The following DTNB variants were observed in gnomAD, a reference collection of about 807,000 sequenced individuals.
The protein encoded by DTNB is DTN-B.
Under a neutral mutation model 90.7 loss-of-function variants are expected in DTNB, and 63 were observed. The ratio of observed to expected loss-of-function variants is 0.69; its 90% confidence interval spans 0.57 to 0.86. DTNB has a LOEUF of 0.86. DTNB is among the 40% of genes least tolerant of loss of function. The pLI is 0.00. For missense variants in DTNB, 744 were observed against 807.1 expected (o/e 0.92, Z 0.95); for synonymous variants, 277 against 286.7 (o/e 0.97, Z 0.34).
intron 8 of DTNB, among the ~76,000 whole-genome samples, chr2:25,573,795 AAC>A (rs1293534419): frequency 6.6e-6 from 1 of 152,152 alleles, no homozygotes; most frequent in Non-Finnish European, 1.5e-5. Context: ...CTAAGACAAT[AAC>A]ACACATCTTA....
At chr2:25,585,241 T>C (rs977093927) in intron 6 of DTNB, among the ~76,000 whole-genome samples, 6 of 152,218 alleles carry the variant, frequency 3.9e-5, no homozygotes, top group Non-Finnish European at 8.8e-5. Flanking sequence ...ACAGAATAGA[T>C]ATGAATACAT....
chr2:25,629,217 C>A lies in DTNB; in HGVS notation c.149-833G>T, dbSNP rs149644967. On this transcript the variant is annotated intron_variant, in intron 3 of 20. Transcript: ENST00000406818. ...AGAAATCAAAACCACCAACAAAATT[C>A]TACACCTAGTATAAAAAAACTTTCA... Among the ~76,000 whole-genome samples the A allele has an allele frequency of 7.3e-4, 111 of 152,238 alleles. 2 individuals are homozygous for A. In the East Asian group the frequency reaches 0.021, roughly 28 times the overall value.
At chr2:25,601,534 C>A (rs1205383288) in intron 5 of DTNB, among the ~76,000 whole-genome samples, 2 of 152,164 alleles carry the variant, frequency 1.3e-5, no homozygotes, top group Non-Finnish European at 2.9e-5. Flanking sequence ...GTGATAATGA[C>A]CCTAGTTTTA....
chr2:25,514,840 G>A (rs781357838), intron 9 of DTNB, among the ~76,000 whole-genome samples: 6 of 151,584 alleles, frequency 4.0e-5, no homozygotes, highest in Non-Finnish European at 7.4e-5. Context: ...CCACCTCCAC[G>A]CCTGGCTAAT....
intron 8 of DTNB, among the ~76,000 whole-genome samples, chr2:25,538,903 T>A (rs764166312): frequency 1.3e-5 from 2 of 152,228 alleles, no homozygotes; most frequent in Admixed American, 6.5e-5. Flanking sequence ...CTCCTGATAA[T>A]CACTATCCTG....
intron 1 of DTNB, chr2:25,672,978 G>C (rs1382415518): frequency 2.0e-5 from 3 of 152,268 alleles, no homozygotes; most frequent in Non-Finnish European, 4.4e-5. Context: ...GCCAGGGCCT[G>C]CCCGCCTCAC....
At chr2:25,559,298 T>C (rs2057878330) in intron 8 of DTNB, among the ~76,000 whole-genome samples, 1 of 152,142 alleles carries the variant, frequency 6.6e-6, no homozygotes, top group Admixed American at 6.5e-5. Flanking sequence ...TCTCTGAATG[T>C]TGCTTTCACC....
At chr2:25,635,143 A>T (rs2076869422) in intron 3 of DTNB, among the ~76,000 whole-genome samples, 1 of 152,076 alleles carries the variant, frequency 6.6e-6, no homozygotes, top group Non-Finnish European at 1.5e-5. Flanking sequence ...GAATAAATCC[A>T]ATGAAGAGGC....
At chr2:25,422,990 C>T (rs576611593) in intron 15 of DTNB, among the ~76,000 whole-genome samples, 9 of 152,190 alleles carry the variant, frequency 5.9e-5, no homozygotes, top group East Asian at 1.9e-4. Context: ...CTCAGGAGTT[C>T]GAGACCAGCC....
chr2:25,579,462 C>T (rs1032903078), intron 7 of DTNB, among the ~76,000 whole-genome samples: 2 of 152,120 alleles, frequency 1.3e-5, no homozygotes, highest in South Asian at 2.1e-4. Context: ...GGCTCTTCCT[C>T]GTTCTCTTTT....
chr2:25,418,647 C>T (rs944350247), intron 16 of DTNB, among the ~76,000 whole-genome samples: 2 of 150,204 alleles, frequency 1.3e-5, no homozygotes, highest in African/African-American at 2.5e-5. Context: ...TGCAGTGAGC[C>T]GAGATCATGC....
Position 25,531,531 on chromosome 2 carries a change from G to T in DTNB, c.943C>A (p.Pro315Thr). ...KSLGCVPTRE[P>T]PHPVFPEQPE... ...TGCTCAGGAAAAACAGGATGCGGGGGTTCTCTCGTGGGTACACACCCCAAA... is the reference window on the plus strand; with the variant it reads ...TGCTCAGGAAAAACAGGATGCGGGGTTTCTCTCGTGGGTACACACCCCAAA... Residue 315 changes from proline (P) to threonine (T), a missense_variant, in exon 9 of 21, where the codon CCC becomes ACC. Physicochemically the swap from Pro to Thr is conservative, Grantham distance 38. Coordinates refer to ENST00000406818, the MANE Select transcript of DTNB (RefSeq NM_021907.5). The T allele has an allele frequency of 5.0e-6, 8 of 1,613,882 alleles. No individual in the cohort carries two copies. Among genetic ancestry groups the T allele is most frequent in the South Asian group, 1.1e-5 (1 of 91,070 alleles).
At chr2:25,631,353 T>G (rs1293846487) in intron 3 of DTNB, among the ~76,000 whole-genome samples, 1 of 152,080 alleles carries the variant, frequency 6.6e-6, no homozygotes, top group Non-Finnish European at 1.5e-5. Flanking sequence ...CTGGCTTAGC[T>G]TGAAGCCAGG....
At chr2:25,653,947 T>A (rs1407005967) in intron 1 of DTNB, among the ~76,000 whole-genome samples, 1 of 152,234 alleles carries the variant, frequency 6.6e-6, no homozygotes, top group East Asian at 1.9e-4. Context: ...GCCTTCTGTA[T>A]CTTTCCTTCA....
In DTNB at chr2:25,477,454, A is replaced by C. The variant is rs2063957424; in HGVS notation, c.1079+5342T>G. Among the ~76,000 whole-genome samples the C allele has an allele frequency of 2.0e-5, 3 of 152,224 alleles. No homozygotes were observed. In the South Asian group the frequency reaches 6.2e-4, roughly 32 times the overall value. Reference sequence around the variant, plus strand: ...ACTGCTTTTCTTTTTTATGAAGTATAAATTAAAGTAAATATGCTATGATAA... The same window carrying C: ...ACTGCTTTTCTTTTTTATGAAGTATCAATTAAAGTAAATATGCTATGATAA... On this transcript the variant is annotated intron_variant, in intron 10 of 20. Coordinates refer to ENST00000406818, the MANE Select transcript of DTNB (RefSeq NM_021907.5).
chr2:25,446,066 C>T (rs1325345272), intron 12 of DTNB, among the ~76,000 whole-genome samples: 5 of 151,936 alleles, frequency 3.3e-5, no homozygotes, highest in Admixed American at 3.3e-4. Context: ...ATTAGTATTA[C>T]TCTTTTAGGA....
intron 1 of DTNB, among the ~76,000 whole-genome samples, chr2:25,671,533 GATT>G: frequency 6.6e-6 from 1 of 152,186 alleles, no homozygotes. Context: ...GCCAGATTTT[GATT>G]ATTACTTATT....
chr2:25,520,931 G>A (rs2076024556), intron 9 of DTNB, among the ~76,000 whole-genome samples: 1 of 152,086 alleles, frequency 6.6e-6, no homozygotes. Context: ...AATTATCTAG[G>A]TTAATTCTGT....
At chr2:25,569,451 CCTCA>C (rs2059507072) in intron 8 of DTNB, among the ~76,000 whole-genome samples, 1 of 152,080 alleles carries the variant, frequency 6.6e-6, no homozygotes. Flanking sequence ...ACTCTCTGAC[CCTCA>C]CTCACTCCTC....
Sources: gnomAD v4.1 joint callset for allele counts (sites outside exome capture counted in the v4.1 genomes callset) on GRCh38, gnomAD v4.1.1 for gene constraint, MANE v1.5 for transcripts, NCBI Gene and HGNC (gene_info 2026-07-23, HGNC 2026-07-21) for gene names.